ATG7: variants seen among roughly 807,000 people sequenced by gnomAD.
The protein encoded by ATG7 is ubiquitin-like modifier-activating enzyme ATG7.
ATG7 carries 70 observed loss-of-function variants against 82.4 expected under a neutral mutation model. The ratio of observed to expected loss-of-function variants is 0.85; its 90% CI spans 0.70 to 1.04. ATG7 has a LOEUF of 1.04. ATG7 is among the 50% of genes least tolerant of loss of function. The probability of loss-of-function intolerance (pLI) is 0.00; values close to 1 mark genes in which losing one functional copy is unlikely to be tolerated. For missense variants in ATG7, 792 were observed against 864.3 expected, an observed-to-expected ratio of 0.92 and a Z score of 1.05; for synonymous variants, 287 against 313.0, an observed-to-expected ratio of 0.92 and a Z score of 0.88.
At chr3:11,312,994 T>C (rs1948896167) in intron 7 of ATG7, among the ~76,000 whole-genome samples, 1 of 152,140 alleles carries the variant, frequency 6.6e-6, no homozygotes, top group Admixed American at 6.5e-5. Flanking sequence ...CCAGGGGGGT[T>C]TTGTAGGTTA....
At chr3:11,318,482 G>C (rs574477469) in intron 9 of ATG7, among the ~76,000 whole-genome samples, 1 of 152,216 alleles carries the variant, frequency 6.6e-6, no homozygotes, top group African/African-American at 2.4e-5. Flanking sequence ...CTTAGAGCAT[G>C]ATGGCCTCAT....
intron 5 of ATG7, among the ~76,000 whole-genome samples, chr3:11,303,370 GA>G (rs953259500): frequency 2.6e-5 from 4 of 151,464 alleles, no homozygotes; most frequent in Middle Eastern, 6.8e-3. Context: ...GTGAAGCTGA[GA>G]AAAAAAAAGA....
At chr3:11,281,138 A>C (rs1942960287) in intron 2 of ATG7, 36 bp downstream of exon 2, 1 of 152,204 alleles carries the variant, frequency 6.6e-6, no homozygotes, top group Non-Finnish European at 1.5e-5. Flanking sequence ...ACTTTTTCTT[A>C]GAGAAACCAT....
At chr3:11,336,765 C>G (rs1952566478) in intron 11 of ATG7, among the ~76,000 whole-genome samples, 1 of 152,116 alleles carries the variant, frequency 6.6e-6, no homozygotes, top group South Asian at 2.1e-4. Context: ...CTTGACCTCC[C>G]AGGCTCAAAC....
At chr3:11,475,361 A>C (rs1338627184) in intron 20 of ATG7, among the ~76,000 whole-genome samples, 1 of 152,192 alleles carries the variant, frequency 6.6e-6, no homozygotes, top group Non-Finnish European at 1.5e-5. Flanking sequence ...TGAGGTGGAC[A>C]GAGCCTAGGT....
intron 20 of ATG7, among the ~76,000 whole-genome samples, chr3:11,489,806 C>T (rs1317329596): frequency 6.6e-6 from 1 of 151,822 alleles, no homozygotes; most frequent in East Asian, 1.9e-4. Flanking sequence ...TTTCTTAATC[C>T]TGAGTTCTAG....
intron 3 of ATG7, among the ~76,000 whole-genome samples, chr3:11,295,074 T>C (rs1945647812): frequency 6.6e-6 from 1 of 152,122 alleles, no homozygotes; most frequent in Non-Finnish European, 1.5e-5. Context: ...ACTGTGGCAC[T>C]GCACTCCAGC....
At chr3:11,433,468 C>A (rs1490170573) in intron 20 of ATG7, among the ~76,000 whole-genome samples, 1 of 152,072 alleles carries the variant, frequency 6.6e-6, no homozygotes, top group African/African-American at 2.4e-5. Context: ...TTTGTTCCAA[C>A]TGTGGGTTCA....
chr3:11,512,028 C>T (rs1275064267), intron 20 of ATG7, among the ~76,000 whole-genome samples: 4 of 152,168 alleles, frequency 2.6e-5, no homozygotes, highest in Non-Finnish European at 5.9e-5. Context: ...CTTGGCCAGC[C>T]CAGAAAGGGG....
At chr3:11,491,546 C>T (rs1422267845) in intron 20 of ATG7, among the ~76,000 whole-genome samples, 1 of 152,192 alleles carries the variant, frequency 6.6e-6, no homozygotes, top group Non-Finnish European at 1.5e-5. Flanking sequence ...AGGAGAGGCG[C>T]TCTGCTTTTT....
At chr3:11,472,625 C>G (rs892006374) in intron 20 of ATG7, among the ~76,000 whole-genome samples, 2 of 152,236 alleles carry the variant, frequency 1.3e-5, no homozygotes, top group Admixed American at 1.3e-4. Flanking sequence ...GGTTATCTTA[C>G]CTTTCTTTTT....
chr3:11,361,607 T>A (rs925735515), intron 16 of ATG7, among the ~76,000 whole-genome samples: 4 of 152,206 alleles, frequency 2.6e-5, no homozygotes, highest in African/African-American at 9.6e-5. Flanking sequence ...TTTTGGTATA[T>A]GTCCCATGCA....
chr3:11,337,234 C>T (rs1334871353), intron 11 of ATG7, among the ~76,000 whole-genome samples: 1 of 152,140 alleles, frequency 6.6e-6, no homozygotes, highest in East Asian at 1.9e-4. Flanking sequence ...GCAGGCGGAT[C>T]ATGAGGTCAG....
chr3:11,495,178 G>A (rs2090725406), intron 20 of ATG7, among the ~76,000 whole-genome samples: 1 of 152,196 alleles, frequency 6.6e-6, no homozygotes, highest in Non-Finnish European at 1.5e-5. Flanking sequence ...GACAGGGCAG[G>A]CTCAGTTGGG....
rs1275955326 is a variant in ATG7 at position 11,506,587 on chromosome 3, C to CAAAAAAAAAAA, written c.2080-48219_2080-48218insAAAAAAAAAAA. ...AAAAAAAAAAAAAAAAAAAAAAACCCAAAAATTAGCTGGGAGTGGTGGCAG... is the reference window on the plus strand; with the variant it reads ...AAAAAAAAAAAAAAAAAAAAAAACCCAAAAAAAAAAAAAAAATTAGCTGGGAGTGGTGGCAG... On this transcript the variant is annotated intron_variant, in intron 20 of 20. Coordinates refer to ENST00000693202, the MANE Select transcript of ATG7 (RefSeq NM_001349232.2). Among the ~76,000 whole-genome samples the CAAAAAAAAAAA allele has an allele frequency of 2.1e-4, 25 of 119,536 alleles. 2 individuals are homozygous for CAAAAAAAAAAA. Among genetic ancestry groups the CAAAAAAAAAAA allele is most frequent in the African/African-American group, 7.6e-4 (22 of 28,794 alleles). The allele number at this position is 119,536 out of a possible 152,430, so 78.4% of individuals were successfully genotyped here.
At position 11,513,792 on chromosome 3, in the gene ATG7, A is replaced by G. The variant is rs1231535083; in HGVS notation, c.2080-41019A>G. 4.7e-5 allele frequency among the ~76,000 whole-genome samples: 7 copies of G among 148,518 alleles called. No homozygotes were observed. The South Asian group carries it at 1.3e-3, about 27-fold the overall frequency. On this transcript the variant is annotated intron_variant, in intron 20 of 20. Transcript: ENST00000693202. ...AGCGAGGGCTGCGAGGGCTGCCAGC[A>G]TGCTGTCACCTCTCACTTGGAGTGC...
intron 3 of ATG7, among the ~76,000 whole-genome samples, chr3:11,289,205 T>TA (rs1944557173): frequency 6.6e-6 from 1 of 152,238 alleles, no homozygotes; most frequent in Non-Finnish European, 1.5e-5. Flanking sequence ...TGTCCAGGGT[T>TA]ATACAGGCAA....
At position 11,298,712 on chromosome 3, in the gene ATG7, G is replaced by A; in HGVS notation, c.17G>A (p.Gly6Glu). Residue 6 changes from glycine (G) to glutamate (E), a missense_variant, in exon 4 of 21, where the codon GGG (glycine) becomes GAG (glutamate). Gly to Glu is a moderately conservative substitution (Grantham distance 98). Coordinates refer to ENST00000693202, the MANE Select transcript of ATG7 (RefSeq NM_001349232.2). The stretch of plus-strand genomic sequence containing the variant: ...CAAGAAATAATGGCGGCAGCTACGG[G>A]GGATCCTGGACTCTCTAAACTGCAG... MAAAT[G>E]DPGLSKLQFA... is the part of the protein sequence containing the mutation. The A allele has an allele frequency of 6.2e-7, 1 of 1,613,860 alleles. No individual in the cohort carries two copies. The highest frequency in any genetic ancestry group is 1.1e-5 in the South Asian group (1 of 91,010).
rs1262850544 is a variant in ATG7, at chr3:11,370,738, C to G, written c.1875+6004C>G. ...GGGTGGCCCAGAAAGAAAGAGGAAC[C>G]TTTCTATTCTTGATCTATTTATTTT... On this transcript the variant is annotated intron_variant, in intron 18 of 20. Transcript: ENST00000693202. Among the ~76,000 whole-genome samples the G allele has an allele frequency of 1.3e-5, 2 of 151,056 alleles. 1 individual carries two copies. Among genetic ancestry groups the G allele is most frequent in the African/African-American group, 4.9e-5 (2 of 40,914 alleles).
Sources: allele counts gnomAD v4.1 joint callset (sites outside exome capture counted in the v4.1 genomes callset), GRCh38; gene constraint gnomAD v4.1.1; transcripts MANE v1.5; gene names NCBI Gene and HGNC (gene_info 2026-07-23, HGNC 2026-07-21).